The following MYH10 variants were observed in gnomAD, a reference collection of about 807,000 sequenced individuals.
MYH10 encodes myosin heavy chain 10.
A neutral mutation model predicts 257.8 loss-of-function variants in MYH10; 55 were observed. That is an observed-to-expected ratio of 0.21 (90% confidence interval 0.17 to 0.27). The LOEUF (loss-of-function observed/expected upper bound fraction) is 0.27, where lower values mean the gene tolerates loss of function less well. Among genes scored for constraint, MYH10 ranks in the 10% least tolerant of loss-of-function variants. MYH10 has a pLI of 1.00. For missense variants in MYH10, 1,631 were observed against 2,500.6 expected (o/e 0.65, Z 7.42); for synonymous variants, 854 against 921.7 (o/e 0.93, Z 1.33).
intron 17 of MYH10, 64 bp from the exon 18 acceptor site, chr17:8,521,349 G>A: frequency 1.3e-6 from 2 of 1,531,884 alleles, no homozygotes; most frequent in Non-Finnish European, 1.8e-6. Context: ...GGAAAGAAAA[G>A]ACACAGTGAA....
chr17:8,514,421 C>T (rs1229513017), intron 21 of MYH10, among the ~76,000 whole-genome samples: 1 of 152,154 alleles, frequency 6.6e-6, no homozygotes, highest in Non-Finnish European at 1.5e-5. Context: ...GTCAATGTCT[C>T]TCATTTACGG....
At chr17:8,619,477 T>A (rs2085385459) in intron 2 of MYH10, among the ~76,000 whole-genome samples, 1 of 152,058 alleles carries the variant, frequency 6.6e-6, no homozygotes, top group African/African-American at 2.4e-5. Context: ...CTCAGGGAAA[T>A]CCTAGGGGGT....
intron 7 of MYH10, among the ~76,000 whole-genome samples, chr17:8,556,250 A>G (rs1021458038): frequency 3.3e-5 from 5 of 152,240 alleles, no homozygotes; most frequent in African/African-American, 1.2e-4. Flanking sequence ...TGACCCAGCA[A>G]TTCCATTCCT....
intron 7 of MYH10, among the ~76,000 whole-genome samples, chr17:8,567,971 C>T (rs2083215445): frequency 6.6e-6 from 1 of 152,132 alleles, no homozygotes; most frequent in Non-Finnish European, 1.5e-5. Context: ...GGACCCTTGC[C>T]GGCGCCCAGA....
intron 36 of MYH10, among the ~76,000 whole-genome samples, chr17:8,486,708 G>C (rs1914874616): frequency 6.7e-6 from 1 of 149,060 alleles, no homozygotes; most frequent in Non-Finnish European, 1.5e-5. Context: ...AGAGTTACAA[G>C]TCAAACCGTC....
chr17:8,619,802 T>C (rs1249322453), intron 2 of MYH10, among the ~76,000 whole-genome samples: 1 of 152,042 alleles, frequency 6.6e-6, no homozygotes, highest in Non-Finnish European at 1.5e-5. Context: ...GGCTCGAGCC[T>C]GTAATCCTAG....
At chr17:8,557,228 A>G (rs1361249989) in intron 7 of MYH10, among the ~76,000 whole-genome samples, 1 of 152,236 alleles carries the variant, frequency 6.6e-6, no homozygotes, top group African/African-American at 2.4e-5. Flanking sequence ...AAGAGGAATC[A>G]CTTTCTAAAA....
chr17:8,489,743 ACAC>A (rs1915471623), intron 35 of MYH10, among the ~76,000 whole-genome samples: 1 of 150,258 alleles, frequency 6.7e-6, no homozygotes, highest in African/African-American at 2.5e-5. Context: ...ACACACACAC[ACAC>A]CCCAAATCCA....
At chr17:8,521,929 G>A (rs2081666842) in intron 17 of MYH10, among the ~76,000 whole-genome samples, 1 of 152,170 alleles carries the variant, frequency 6.6e-6, no homozygotes, top group Non-Finnish European at 1.5e-5. Flanking sequence ...GGACTCTTCT[G>A]AAAAGATAAA....
chr17:8,559,932 C>T (rs4791731), intron 7 of MYH10, among the ~76,000 whole-genome samples: 147,403 of 152,316 alleles, frequency 0.97, 71,522 homozygotes, highest in East Asian at 1. Context: ...ATGTTATTAC[C>T]ACAGAGCTGC....
rs147719939 is a variant in MYH10, at chr17:8,521,280, G to A, written c.1963C>T (p.Arg655Cys). Residue 655 changes from arginine to cysteine, a missense_variant, in exon 18 of 43, where the codon CGT becomes TGT. Physicochemically the swap from Arg to Cys is radical, Grantham distance 180 (BLOSUM62 -3). This residue lies in a region of MYH10 where 96 missense variants were observed against 146.2 expected (regional missense o/e 0.66). Coordinates refer to ENST00000360416, the MANE Select transcript of MYH10 (RefSeq NM_001256012.3). Reference sequence around the variant, plus strand: ...GTGACTTGATCCAGACCCACGATACGGTCCACTGGGGAGAAGAAAGGAGAA... The same window carrying A: ...GTGACTTGATCCAGACCCACGATACAGTCCACTGGGGAGAAGAAAGGAGAA... ...VSGLHEPPVD[R>C]IVGLDQVTGM... is the part of the protein sequence containing the mutation. The A allele has an allele frequency of 1.2e-6, 2 of 1,613,902 alleles. No homozygotes were observed. The highest frequency in any genetic ancestry group is 1.7e-6 in the Non-Finnish European group (2 of 1,179,820).
rs1343062344 is a variant in MYH10 at position 8,622,905 on chromosome 17, G to A, written c.342C>T (p.Ile114=). 3.1e-6 allele frequency: 5 copies of A among 1,613,328 alleles called. No individual in the cohort carries two copies. The highest frequency in any genetic ancestry group is 4.2e-6 in the Non-Finnish European group (5 of 1,179,544). Residue 114 remains isoleucine, a synonymous_variant, in exon 2 of 43, where the codon ATC becomes ATT. Transcript: ENST00000360416. The part of the protein sequence containing the change: ...NLKDRYYSGL[I]YTYSGLFCVV... The stretch of plus-strand genomic sequence containing the variant: ...ATTATTTGGAAGAAATACTTACATA[G>A]ATTAGTCCTGAATAGTAGCGATCCT...
chr17:8,518,025 C>CGTGTGTGTGTGTGTGTGTGTGT lies in MYH10; in HGVS notation c.2504+584_2504+605dup, dbSNP rs34409328. 5.7e-5 allele frequency among the ~76,000 whole-genome samples: 7 copies of CGTGTGTGTGTGTGTGTGTGTGT among 123,628 alleles called. 2 individuals are homozygous for CGTGTGTGTGTGTGTGTGTGTGT. The highest frequency in any genetic ancestry group is 2.2e-4 in the African/African-American group (7 of 31,822). The allele number at this position is 123,628 out of a possible 152,430, so 81.1% of individuals were successfully genotyped here. A position where few individuals can be genotyped will look rare whatever the true frequency, so the allele number is the denominator to read the frequency against. On this transcript the variant is annotated intron_variant, in intron 21 of 42. Coordinates refer to ENST00000360416, the MANE Select transcript of MYH10 (RefSeq NM_001256012.3). ...AGCAGGACCCCATACCCCTTGGCCCCGTGTGTGTGTGTGTGTGTGTGTGTG... is the reference window on the plus strand; with the variant it reads ...AGCAGGACCCCATACCCCTTGGCCCCGTGTGTGTGTGTGTGTGTGTGTGTGTGTGTGTGTGTGTGTGTGTGTG...
chr17:8,630,175 C>T (rs1416700527), intron 1 of MYH10, among the ~76,000 whole-genome samples: 1 of 151,736 alleles, frequency 6.6e-6, no homozygotes, highest in East Asian at 1.9e-4. Context: ...CTTAGAATCC[C>T]CTCTCTTCCT....
intron 3 of MYH10, among the ~76,000 whole-genome samples, 175 bp downstream of exon 3, chr17:8,604,651 T>C (rs1355352922): frequency 1.3e-5 from 2 of 152,142 alleles, no homozygotes; most frequent in Non-Finnish European, 2.9e-5. Context: ...TTACAGAAAA[T>C]GGCTGTGTTG....
At position 8,490,302 on chromosome 17, in the gene MYH10, T is replaced by C; in HGVS notation, c.4884+38A>G. 6.3e-7 allele frequency: 1 copy of C among 1,596,110 alleles called. No individual in the cohort carries two copies. Among genetic ancestry groups the C allele is most frequent in the South Asian group, 1.1e-5 (1 of 90,768 alleles). ...GACCCAGAGCTGGGCTTTGAGAGCC[T>C]GCACCCCTTGTTGTGGAGGCCGCAC... On this transcript the variant is annotated intron_variant, in intron 35 of 42. Coordinates refer to ENST00000360416, the MANE Select transcript of MYH10 (RefSeq NM_001256012.3). This position sits in a 1 kb window ranked among gnomAD's most constrained non-coding sequence, Gnocchi z 4.1.
chr17:8,505,006 C>G (rs2081028949), intron 27 of MYH10, 100 bp from the exon 28 acceptor site: 4 of 941,620 alleles, frequency 4.2e-6, no homozygotes, highest in African/African-American at 3.2e-5. Flanking sequence ...CACGAGACCC[C>G]AGCCCCACAT....
chr17:8,579,077 G>A (rs931464396), intron 4 of MYH10, among the ~76,000 whole-genome samples: 1 of 152,026 alleles, frequency 6.6e-6, no homozygotes, highest in Non-Finnish European at 1.5e-5. Flanking sequence ...AAGAGTTCAA[G>A]ATCAGCCAAG....
rs2082669278 is a variant in MYH10, at chr17:8,552,401, C to G, written c.821-257G>C. Among the ~76,000 whole-genome samples the G allele has an allele frequency of 6.6e-6, 1 of 152,168 alleles. No individual in the cohort carries two copies. Among genetic ancestry groups the G allele is most frequent in the Non-Finnish European group, 1.5e-5 (1 of 68,042 alleles). The stretch of plus-strand genomic sequence containing the variant: ...TTAAAGATTATACGTGCTTCCCTCA[C>G]TCAGCTCCACTCTACCCCATCCTTC... On this transcript the variant is annotated intron_variant, in intron 8 of 42. Transcript: ENST00000360416. This position sits in a 1 kb window ranked among gnomAD's most constrained non-coding sequence, Gnocchi z 4.8.
Sources: gnomAD v4.1 joint callset for allele counts (sites outside exome capture counted in the v4.1 genomes callset) on GRCh38, gnomAD v4.1.1 for gene constraint, gnomAD v4.1.1 regional missense constraint, Gnocchi (gnomAD v3.1) non-coding constraint, MANE v1.5 for transcripts, NCBI Gene and HGNC (gene_info 2026-07-23, HGNC 2026-07-21) for gene names.